Variants in MARK1 observed in about 807,000 individuals in gnomAD.
MARK1 encodes the protein serine/threonine-protein kinase MARK1.
In MARK1, 40 loss-of-function variants were observed where a neutral mutation model predicts 96.3. That is an observed-to-expected ratio of 0.42 (90% CI 0.32 to 0.54). The LOEUF (loss-of-function observed/expected upper bound fraction) is 0.54. MARK1 is among the 20% of genes least tolerant of loss of function. MARK1 has a pLI of 0.16. For synonymous variants in MARK1, 317 were observed against 341.2 expected (o/e 0.93, Z 0.78); for missense variants, 719 against 984.6 (o/e 0.73, Z 3.61).
At chr1:220,642,334 T>C (rs1231898405) in intron 13 of MARK1, among the ~76,000 whole-genome samples, 2 of 152,234 alleles carry the variant, frequency 1.3e-5, no homozygotes, top group Admixed American at 1.3e-4. Flanking sequence ...GACTGGGCTG[T>C]ATTCCCCCAC....
intron 1 of MARK1, among the ~76,000 whole-genome samples, chr1:220,530,999 C>T (rs1660278778): frequency 6.6e-6 from 1 of 152,188 alleles, no homozygotes; most frequent in African/African-American, 2.4e-5. Flanking sequence ...GATAAAGTCT[C>T]TCCCTGCAAG....
chr1:220,656,788 A>T (rs577256045), intron 16 of MARK1, among the ~76,000 whole-genome samples: 23 of 151,032 alleles, frequency 1.5e-4, no homozygotes, highest in African/African-American at 2.9e-4. Context: ...AGATAGAAAA[A>T]TTTTTTTTTT....
intron 1 of MARK1, among the ~76,000 whole-genome samples, chr1:220,564,232 T>C (rs1662886882): frequency 6.6e-6 from 1 of 152,180 alleles, no homozygotes; most frequent in South Asian, 2.1e-4. Flanking sequence ...TTTTTGTGTC[T>C]TGGATTGAAA....
At chr1:220,532,803 C>T (rs955923087) in intron 1 of MARK1, among the ~76,000 whole-genome samples, 2 of 151,978 alleles carry the variant, frequency 1.3e-5, no homozygotes, top group Middle Eastern at 3.4e-3. Context: ...TCCAGGAATT[C>T]GAGACCAGCA....
chr1:220,565,813 C>G (rs778154077), intron 1 of MARK1, among the ~76,000 whole-genome samples: 1 of 152,168 alleles, frequency 6.6e-6, no homozygotes, highest in Non-Finnish European at 1.5e-5. Flanking sequence ...TCACAAGCCT[C>G]TGGCACAAGG....
chr1:220,551,293 A>T (rs1661836215), intron 1 of MARK1, among the ~76,000 whole-genome samples: 1 of 152,208 alleles, frequency 6.6e-6, no homozygotes, highest in Non-Finnish European at 1.5e-5. Context: ...CCTTCAGAGC[A>T]TATAAATGGT....
chr1:220,528,157 G>C lies in MARK1; in HGVS notation c.-666G>C, dbSNP rs965823243. On this transcript the variant is annotated 5_prime_UTR_variant, in exon 1 of 18. Transcript: ENST00000366917. ...GCCCACCCGGCGGCGGCCGCCAAGTGCCTCTGGGCGCTGCGTGCCGCGCCC... is the reference window on the plus strand; with the variant it reads ...GCCCACCCGGCGGCGGCCGCCAAGTCCCTCTGGGCGCTGCGTGCCGCGCCC... The C allele has an allele frequency of 6.6e-6, 1 of 150,582 alleles. No individual in the cohort carries two copies. Among genetic ancestry groups the C allele is most frequent in the African/African-American group, 2.4e-5 (1 of 41,220 alleles). The allele number at this position is 150,582 out of a possible 1,614,324, so 9.3% of individuals were successfully genotyped here. A position where few individuals can be genotyped will look rare whatever the true frequency, so the allele number is the denominator to read the frequency against.
At chr1:220,635,737 C>T in intron 12 of MARK1, 96 bp from the exon 13 acceptor site, 2 of 1,212,972 alleles carry the variant, frequency 1.6e-6, no homozygotes, top group Non-Finnish European at 2.3e-6. Flanking sequence ...TTAAAGCATG[C>T]AAATATGGAT....
chr1:220,592,502 A>G (rs1247833456), intron 3 of MARK1, among the ~76,000 whole-genome samples: 3 of 152,042 alleles, frequency 2.0e-5, no homozygotes, highest in African/African-American at 2.4e-5. Flanking sequence ...TCCCTAGTCA[A>G]GTATCCAGAT....
intron 12 of MARK1, 38 bp downstream of exon 12, chr1:220,635,567 GTTC>G (rs1262823523): frequency 6.3e-7 from 1 of 1,587,586 alleles, no homozygotes; most frequent in Non-Finnish European, 8.5e-7. Context: ...CAACACACGG[GTTC>G]TTCCCAAATT....
chr1:220,617,644 C>T (rs1463326101), intron 7 of MARK1, among the ~76,000 whole-genome samples: 2 of 152,058 alleles, frequency 1.3e-5, no homozygotes, highest in African/African-American at 2.4e-5. Context: ...CATCTCAAAA[C>T]GTGGAAAATT....
At chr1:220,644,066 A>G (rs1668439704) in intron 13 of MARK1, among the ~76,000 whole-genome samples, 1 of 152,202 alleles carries the variant, frequency 6.6e-6, no homozygotes, top group African/African-American at 2.4e-5. Flanking sequence ...TTAACACATA[A>G]CAATATTAAC....
chr1:220,554,240 T>C (rs1407746835), intron 1 of MARK1, among the ~76,000 whole-genome samples: 2 of 152,196 alleles, frequency 1.3e-5, no homozygotes, highest in East Asian at 3.8e-4. Flanking sequence ...GCTCACCAGA[T>C]CTAGTCAGTG....
chr1:220,642,873 C>T (rs904229121), intron 13 of MARK1, among the ~76,000 whole-genome samples: 1 of 152,028 alleles, frequency 6.6e-6, no homozygotes, highest in East Asian at 1.9e-4. Context: ...GGAAGAGGGG[C>T]CTGAGTGTTA....
chr1:220,646,703 G>A (rs906292730), intron 13 of MARK1, among the ~76,000 whole-genome samples: 1 of 152,046 alleles, frequency 6.6e-6, no homozygotes, highest in South Asian at 2.1e-4. Context: ...TACAAAAACA[G>A]GCATGTAGAC....
chr1:220,537,970 G>C (rs1270919329), intron 1 of MARK1, among the ~76,000 whole-genome samples: 1 of 152,090 alleles, frequency 6.6e-6, no homozygotes, highest in African/African-American at 2.4e-5. Flanking sequence ...TGAGTTCATT[G>C]AAGATTCTGG....
chr1:220,573,588 G>A (rs1663625869), intron 1 of MARK1, among the ~76,000 whole-genome samples: 1 of 152,106 alleles, frequency 6.6e-6, no homozygotes, highest in Non-Finnish European at 1.5e-5. Flanking sequence ...CTCCCGAAGT[G>A]CTGGGATTAC....
At chr1:220,550,882 A>G (rs1179613434) in intron 1 of MARK1, among the ~76,000 whole-genome samples, 1 of 152,242 alleles carries the variant, frequency 6.6e-6, no homozygotes, top group African/African-American at 2.4e-5. Flanking sequence ...CTGTTAAGTG[A>G]TACAGAATAA....
chr1:220,564,949 C>A (rs1018852195), intron 1 of MARK1, among the ~76,000 whole-genome samples: 1 of 151,990 alleles, frequency 6.6e-6, no homozygotes, highest in African/African-American at 2.4e-5. Context: ...TCATTTTCTT[C>A]TTTAGATTAC....
Sources: gnomAD v4.1 joint callset for allele counts (sites outside exome capture counted in the v4.1 genomes callset) on GRCh38, gnomAD v4.1.1 for gene constraint, MANE v1.5 for transcripts, NCBI Gene and HGNC (gene_info 2026-07-23, HGNC 2026-07-21) for gene names.